NCK2: variants seen among roughly 807,000 people sequenced by gnomAD.
NCK2 encodes the protein NCK adaptor protein 2, also known as cytoplasmic protein NCK2.
A neutral mutation model predicts 33.9 loss-of-function variants in NCK2; 16 were observed. The ratio of observed to expected loss-of-function variants is 0.47; its 90% CI spans 0.32 to 0.72. NCK2 has a LOEUF of 0.72. Among genes scored for constraint, NCK2 ranks in the 30% least tolerant of loss-of-function variants. The pLI, the probability that NCK2 is intolerant of heterozygous loss-of-function variation, is 0.03. For missense variants in NCK2, 418 were observed against 537.3 expected (o/e 0.78, Z 2.19); for synonymous variants, 273 against 239.9 (o/e 1.14, Z -1.27).
chr2:105,866,089 T>G (rs1677741119), intron 3 of NCK2, among the ~76,000 whole-genome samples: 1 of 152,106 alleles, frequency 6.6e-6, no homozygotes, highest in Non-Finnish European at 1.5e-5. Flanking sequence ...TGATTTTGTA[T>G]TTTTAGTAGA....
intron 2 of NCK2, among the ~76,000 whole-genome samples, chr2:105,832,267 G>A (rs1177902555): frequency 6.6e-6 from 1 of 152,124 alleles, no homozygotes; most frequent in Non-Finnish European, 1.5e-5. Context: ...CAATTCTACA[G>A]TATTTTGCTG....
At position 105,810,058 on chromosome 2, in the gene NCK2, A is replaced by G. The variant is rs1195770150; in HGVS notation, c.-200-6372A>G. Among the ~76,000 whole-genome samples, 3 of 152,254 alleles carry G rather than the reference A, an allele frequency of 2.0e-5. No individual in the cohort carries two copies. In the East Asian group the frequency reaches 5.8e-4, roughly 29 times the overall value. ...GGGCCAGGGCTGAGAGGGAGGGAGAAAGAGCACACACATCCCCACTCTTCA... is the reference window on the plus strand; with the variant it reads ...GGGCCAGGGCTGAGAGGGAGGGAGAGAGAGCACACACATCCCCACTCTTCA... On this transcript the variant is annotated intron_variant, in intron 1 of 4. Coordinates refer to ENST00000233154, the MANE Select transcript of NCK2 (RefSeq NM_003581.5).
chr2:105,847,305 T>C (rs1676886935), intron 2 of NCK2: 2 of 151,652 alleles, frequency 1.3e-5, no homozygotes, highest in Non-Finnish European at 2.9e-5. Flanking sequence ...ATGGTTAATC[T>C]GCAGGGGTTG....
At chr2:105,819,385 G>A (rs1000432304) in intron 2 of NCK2, among the ~76,000 whole-genome samples, 1 of 151,354 alleles carries the variant, frequency 6.6e-6, no homozygotes, top group African/African-American at 2.4e-5. Flanking sequence ...ATTTGCAAAT[G>A]CAGTCATGTA....
chr2:105,810,212 A>C (rs947010324), intron 1 of NCK2, among the ~76,000 whole-genome samples: 5 of 152,100 alleles, frequency 3.3e-5, no homozygotes, highest in African/African-American at 1.2e-4. Context: ...ATAGAAATTA[A>C]CCCTTCTCAC....
intron 1 of NCK2, among the ~76,000 whole-genome samples, chr2:105,766,063 C>A (rs11693509): frequency 0.34 from 51,006 of 151,836 alleles, 9,654 homozygotes; most frequent in East Asian, 0.46. Context: ...GACTCCCTGA[C>A]ATTGCTACCA....
chr2:105,820,643 A>G (rs898151112), intron 2 of NCK2, among the ~76,000 whole-genome samples: 2 of 152,228 alleles, frequency 1.3e-5, no homozygotes, highest in Non-Finnish European at 2.9e-5. Context: ...CATTTTGGCA[A>G]ACGCATAATC....
intron 3 of NCK2, among the ~76,000 whole-genome samples, chr2:105,868,421 C>G (rs1677845150): frequency 6.6e-6 from 1 of 152,186 alleles, no homozygotes; most frequent in African/African-American, 2.4e-5. Context: ...TTCCTGGAAG[C>G]AGGCCGTGCT....
chr2:105,833,531 T>G (rs1676277631), intron 2 of NCK2, among the ~76,000 whole-genome samples: 1 of 152,218 alleles, frequency 6.6e-6, no homozygotes, highest in East Asian at 1.9e-4. Flanking sequence ...CTGTGGTAAC[T>G]TGTAAAATGT....
intron 4 of NCK2, among the ~76,000 whole-genome samples, chr2:105,886,701 A>T (rs1678734369): frequency 6.6e-6 from 1 of 152,182 alleles, no homozygotes; most frequent in Non-Finnish European, 1.5e-5. Flanking sequence ...AAAGACAAAG[A>T]ATAACAAGGA....
intron 3 of NCK2, among the ~76,000 whole-genome samples, chr2:105,872,403 C>T (rs1045002210): frequency 6.6e-6 from 1 of 152,170 alleles, no homozygotes; most frequent in Non-Finnish European, 1.5e-5. Flanking sequence ...TCTTCCTTGC[C>T]ACGGGTACTT....
At chr2:105,818,616 T>C (rs1303846506) in intron 2 of NCK2, among the ~76,000 whole-genome samples, 1 of 152,184 alleles carries the variant, frequency 6.6e-6, no homozygotes, top group East Asian at 1.9e-4. Flanking sequence ...AAATTAGTTT[T>C]GGTGTCCAAC....
intron 2 of NCK2, among the ~76,000 whole-genome samples, chr2:105,824,149 TTG>T (rs1675855706): frequency 6.6e-6 from 1 of 152,102 alleles, no homozygotes; most frequent in Non-Finnish European, 1.5e-5. Context: ...TGGGTTTTGC[TTG>T]TGATTGTTAC....
At chr2:105,784,314 C>T (rs548390133) in intron 1 of NCK2, among the ~76,000 whole-genome samples, 1 of 152,326 alleles carries the variant, frequency 6.6e-6, no homozygotes, top group African/African-American at 2.4e-5. Context: ...ACCCCAGTGG[C>T]ATTTCTGGGG....
intron 1 of NCK2, among the ~76,000 whole-genome samples, chr2:105,774,755 G>T (rs886850108): frequency 1.3e-5 from 2 of 152,070 alleles, no homozygotes; most frequent in African/African-American, 2.4e-5. Flanking sequence ...TTTAACTCAC[G>T]TTTATTTTGT....
rs200222338 is a variant in NCK2, at chr2:105,891,253, C to CT, written c.949-1721dup. 4.0e-3 allele frequency among the ~76,000 whole-genome samples: 605 copies of CT among 151,904 alleles called. 2 individuals are homozygous for CT. The highest frequency in any genetic ancestry group is 6.5e-3 in the Non-Finnish European group (439 of 67,958). On this transcript the variant is annotated intron_variant, in intron 4 of 4. Transcript: ENST00000233154. ...TCTCATGCTCCTCTTTCATGCAACTCTTTTTTTTGTTTGTTTTCTTTTTTT... is the reference window on the plus strand; with the variant it reads ...TCTCATGCTCCTCTTTCATGCAACTCTTTTTTTTTGTTTGTTTTCTTTTTTT...
chr2:105,891,564 TTTTTG>T lies in NCK2; in HGVS notation c.949-1417_949-1413del, dbSNP rs1236815833. Among the ~76,000 whole-genome samples the T allele has an allele frequency of 9.5e-4, 12 of 12,572 alleles. 2 individuals are homozygous for T. In the South Asian group the frequency reaches 0.011, roughly 12 times the overall value. 8.2% of individuals were successfully genotyped at this position (12,572 alleles called of 152,430 possible). A position where few individuals can be genotyped will look rare whatever the true frequency, so the allele number is the denominator to read the frequency against. On this transcript the variant is annotated intron_variant, in intron 4 of 4. Coordinates refer to ENST00000233154, the MANE Select transcript of NCK2 (RefSeq NM_003581.5). ...TTTTTTTTTTTTTTTTTTTTTTTTT[TTTTTG>T]AGATTTTTCGCTCTTGTTGCCCAGA...
intron 3 of NCK2, among the ~76,000 whole-genome samples, chr2:105,869,060 C>T (rs1160352011): frequency 1.3e-5 from 2 of 152,200 alleles, no homozygotes; most frequent in African/African-American, 2.4e-5. Context: ...ACGATCCAGC[C>T]CCGCTGCCCA....
chr2:105,843,486 A>G (rs1676726476), intron 2 of NCK2, among the ~76,000 whole-genome samples: 1 of 152,120 alleles, frequency 6.6e-6, no homozygotes, highest in South Asian at 2.1e-4. Flanking sequence ...GGTTACAATC[A>G]AGGCAGATAT....
Sources: allele counts gnomAD v4.1 joint callset (sites outside exome capture counted in the v4.1 genomes callset), GRCh38; gene constraint gnomAD v4.1.1; transcripts MANE v1.5; gene names NCBI Gene and HGNC (gene_info 2026-07-23, HGNC 2026-07-21).